Variants in GYS1 observed in about 807,000 individuals in gnomAD.
GYS1 encodes glycogen [starch] synthase, muscle.
Under a neutral mutation model 89.1 loss-of-function variants are expected in GYS1, and 60 were observed. That is an observed-to-expected ratio of 0.67 (90% CI 0.55 to 0.84). GYS1 has a LOEUF of 0.84. Among genes scored for constraint, GYS1 ranks in the 40% least tolerant of loss-of-function variants. The probability of loss-of-function intolerance (pLI) is 0.00; values close to 1 mark genes in which losing one functional copy is unlikely to be tolerated. For missense variants in GYS1, 888 were observed against 1,003.1 expected, an observed-to-expected ratio of 0.89 and a Z score of 1.55; for synonymous variants, 366 against 401.7, an observed-to-expected ratio of 0.91 and a Z score of 1.06.
Position 48,968,695 on chromosome 19 carries a change from GGCA to G in GYS1, c.*590_*592del. On this transcript the variant is annotated 3_prime_UTR_variant, in exon 16 of 16. Coordinates refer to ENST00000323798, the MANE Select transcript of GYS1 (RefSeq NM_002103.5). The stretch of plus-strand genomic sequence containing the variant: ...AGGAGCCGGATGGAGGGATCCTCCA[GGCA>G]GAGCCTGGCTCTGACATGCCAGGGA... 1 of 454,146 alleles carries G rather than the reference GGCA, an allele frequency of 2.2e-6. No individual in the cohort carries two copies. Among genetic ancestry groups the G allele is most frequent in the Non-Finnish European group, 4.4e-6 (1 of 226,796 alleles). The allele number at this position is 454,146 out of a possible 1,614,324, so 28.1% of individuals were successfully genotyped here. A position where few individuals can be genotyped will look rare whatever the true frequency, so the allele number is the denominator to read the frequency against.
intron 10 of GYS1, among the ~76,000 whole-genome samples, chr19:48,977,093 T>C (rs987715990): frequency 6.6e-6 from 1 of 152,008 alleles, no homozygotes; most frequent in Non-Finnish European, 1.5e-5. Context: ...AAGCTGGGCC[T>C]TGACTTTCTT....
chr19:48,978,708 CTT>C (rs2038700736), intron 8 of GYS1, among the ~76,000 whole-genome samples: 1 of 149,048 alleles, frequency 6.7e-6, no homozygotes, highest in Non-Finnish European at 1.5e-5. Context: ...ATTTTTGTAA[CTT>C]TAGTAGAGAC....
Position 48,969,191 on chromosome 19 carries a change from A to C in GYS1, c.*97T>G, listed in dbSNP as rs1042162. ...GTGGGGGCACTGCGGGGCCACACCC[A>C]GTGCAGATCTGGAGCGGGGGTTTAG... On this transcript the variant is annotated 3_prime_UTR_variant, in exon 16 of 16. Coordinates refer to ENST00000323798, the MANE Select transcript of GYS1 (RefSeq NM_002103.5). 8.9e-7 allele frequency: 1 copy of C among 1,117,766 alleles called. No individual in the cohort carries two copies. The highest frequency in any genetic ancestry group is 1.3e-6 in the Non-Finnish European group (1 of 788,700). The allele number at this position is 1,117,766 out of a possible 1,614,324, so 69.2% of individuals were successfully genotyped here.
At chr19:48,969,974 A>C (rs1227884543) in intron 14 of GYS1, 119 bp from the exon 15 acceptor site, 1 of 704,946 alleles carries the variant, frequency 1.4e-6, no homozygotes, top group Non-Finnish European at 2.6e-6. Flanking sequence ...ACCCCATACA[A>C]ATAATCCATC....
intron 10 of GYS1, among the ~76,000 whole-genome samples, chr19:48,975,794 G>C (rs373573410): frequency 9.9e-5 from 15 of 151,386 alleles, no homozygotes; most frequent in South Asian, 8.3e-4. Context: ...AGGCGTGGTG[G>C]TGGGTGCCTC....
intron 2 of GYS1, among the ~76,000 whole-genome samples, chr19:48,989,977 A>T (rs573478105): frequency 8.9e-6 from 1 of 112,254 alleles, no homozygotes; most frequent in South Asian, 3.2e-4. Flanking sequence ...TCCCCCTCCC[A>T]GCTGTTGTCT....
At chr19:48,970,238 C>T (rs947559869) in intron 14 of GYS1, 3 of 465,458 alleles carry the variant, frequency 6.4e-6, no homozygotes, top group South Asian at 4.4e-5. Flanking sequence ...GACCCTACCA[C>T]CTCAGCCTCC....
rs142265031 is a variant in GYS1, at chr19:48,969,459, G to A, written c.2043C>T (p.Ala681=). 5.2e-4 allele frequency: 798 copies of A among 1,544,978 alleles called. 2 individuals are homozygous for A. The highest frequency in any genetic ancestry group is 2.6e-3 in the South Asian group (219 of 83,994). The change falls in exon 16 of 16, where the codon GCC becomes GCT. Residue 681 remains alanine (A), a synonymous_variant. Transcript: ENST00000323798. ...CACGGATGTTGCGCCGGTCCTTGGC[G>A]GCCTCCTCGTCCTCATCGTAGCGCT... is the stretch of plus-strand genomic sequence containing the variant. ...DGERYDEDEE[A]AKDRRNIRAP...
intron 7 of GYS1, among the ~76,000 whole-genome samples, chr19:48,981,878 A>AT (rs2038769176): frequency 6.7e-6 from 1 of 150,186 alleles, no homozygotes; most frequent in African/African-American, 2.5e-5. Context: ...CTGTTCTGTA[A>AT]TTTTTTGTTT....
chr19:48,986,565 C>T (rs992431956), intron 3 of GYS1, among the ~76,000 whole-genome samples: 1 of 149,704 alleles, frequency 6.7e-6, no homozygotes, highest in Non-Finnish European at 1.5e-5. Flanking sequence ...TGCCGTGATG[C>T]AATCTCAGCT....
chr19:48,986,448 G>C (rs564589207), intron 3 of GYS1, among the ~76,000 whole-genome samples: 7 of 151,398 alleles, frequency 4.6e-5, no homozygotes, highest in African/African-American at 1.7e-4. Context: ...GGAGCAGCCA[G>C]TTCCTCAATT....
intron 8 of GYS1, among the ~76,000 whole-genome samples, chr19:48,979,922 C>T (rs1263707004): frequency 6.6e-6 from 1 of 152,082 alleles, no homozygotes; most frequent in Non-Finnish European, 1.5e-5. Flanking sequence ...GCCGGGATTA[C>T]AGGTGTGAGC....
intron 10 of GYS1, 128 bp from the exon 11 acceptor site, chr19:48,974,861 C>A: frequency 1.5e-6 from 1 of 651,964 alleles, no homozygotes; most frequent in African/African-American, 1.8e-5. Context: ...GCAACAAACC[C>A]AAGTGATCAC....
At position 48,974,407 on chromosome 19, in the gene GYS1, C is replaced by T. The variant is rs1377974699; in HGVS notation, c.1423-68G>A. ...GCTAAGCCCTGAGATCCCAAGGTGG[C>T]CCAGAGAGGGTAAAAAGCTTGTCTA... On this transcript the variant is annotated intron_variant, in intron 11 of 15. Transcript: ENST00000323798. The T allele has an allele frequency of 6.4e-6, 10 of 1,552,962 alleles. No homozygotes were observed. In the African/African-American group the frequency reaches 9.5e-5, roughly 15 times the overall value.
At chr19:48,970,802 C>T in intron 13 of GYS1, 93 bp from the exon 14 acceptor site, 1 of 1,435,534 alleles carries the variant, frequency 7.0e-7, no homozygotes, top group Non-Finnish European at 9.8e-7. Context: ...CCTCTCCCAG[C>T]GGCCCGAGAG....
chr19:48,986,121 G>T, intron 3 of GYS1, 86 bp from the exon 4 acceptor site: 2 of 1,230,356 alleles, frequency 1.6e-6, no homozygotes, highest in Non-Finnish European at 2.3e-6. Context: ...GACTCGGGGA[G>T]AGGTCAATCT....
chr19:48,990,017 T>G (rs2038902741), intron 2 of GYS1, among the ~76,000 whole-genome samples: 1 of 121,586 alleles, frequency 8.2e-6, no homozygotes, highest in Non-Finnish European at 1.7e-5. Context: ...GGGGGGGCTA[T>G]TCTTAGGCCC....
Position 48,984,296 on chromosome 19 carries a change from C to T in GYS1, c.823+1165G>A, listed in dbSNP as rs549221900. Among the ~76,000 whole-genome samples the T allele has an allele frequency of 8.6e-5, 13 of 151,858 alleles. No individual in the cohort carries two copies. The South Asian group carries it at 1.9e-3, about 22-fold the overall frequency. On this transcript the variant is annotated intron_variant, in intron 5 of 15. Transcript: ENST00000323798. Reference sequence around the variant, plus strand: ...TGCTGGGATTACAGGTGTAAGCCACCGTGCCCAGCCAAGTTATGATTTTTC... The same window carrying T: ...TGCTGGGATTACAGGTGTAAGCCACTGTGCCCAGCCAAGTTATGATTTTTC...
Position 48,991,602 on chromosome 19 carries a change from A to T in GYS1, c.119-119T>A. 1 of 1,082,460 alleles carries T rather than the reference A, an allele frequency of 9.2e-7. No individual in the cohort carries two copies. Among genetic ancestry groups the T allele is most frequent in the Non-Finnish European group, 1.4e-6 (1 of 724,050 alleles). 67.1% of individuals were successfully genotyped at this position (1,082,460 alleles called of 1,614,324 possible). On this transcript the variant is annotated intron_variant, in intron 1 of 15. Transcript: ENST00000323798. This position sits in a 1 kb window ranked among gnomAD's most constrained non-coding sequence, Gnocchi z 4.7. ...GCCCCAGACCTCTAGCTCAGGGGGA[A>T]GAGGGGACTGGGAGCCCATAGTTTG...
Sources: allele counts gnomAD v4.1 joint callset (sites outside exome capture counted in the v4.1 genomes callset), GRCh38; gene constraint gnomAD v4.1.1; non-coding constraint Gnocchi (gnomAD v3.1); transcripts MANE v1.5; gene names NCBI Gene and HGNC (gene_info 2026-07-23, HGNC 2026-07-21).